The following GAD2 variants were observed in gnomAD, a reference collection of about 807,000 sequenced individuals.
GAD2 encodes the protein glutamate decarboxylase 2, also known as 65 kDa glutamic acid decarboxylase.
In GAD2, 22 loss-of-function variants were observed where a neutral mutation model predicts 80.1. The observed-to-expected ratio is 0.27, with a 90% CI of 0.20 to 0.39. GAD2 has a LOEUF of 0.39. Ranked by LOEUF, GAD2 falls within the 10% of genes least tolerant of loss-of-function variation. The pLI, the probability that GAD2 is intolerant of heterozygous loss-of-function variation, is 1.00. For synonymous variants in GAD2, 274 were observed against 256.9 expected (o/e 1.07, Z -0.64); for missense variants, 624 against 738.4 (o/e 0.85, Z 1.80).
At chr10:26,293,172 C>CTTTTTTTT (rs987030977) in intron 15 of GAD2, among the ~76,000 whole-genome samples, 181 bp downstream of exon 15, 18 of 96,424 alleles carry the variant, frequency 1.9e-4, no homozygotes, top group African/African-American at 5.0e-4. Context: ...CATTTTTCTT[C>CTTTTTTTT]TTTTTTTTTT....
rs150744031 is a variant in GAD2, at chr10:26,253,113, T to C, written c.920+7113T>C. ...TTGAAAATTAAAAAGCATTTTAATTTTATTAAATATACTTAAAAAATGGAA... is the reference window on the plus strand; with the variant it reads ...TTGAAAATTAAAAAGCATTTTAATTCTATTAAATATACTTAAAAAATGGAA... On this transcript the variant is annotated intron_variant, in intron 8 of 15. Transcript: ENST00000376261. 2.5e-3 allele frequency among the ~76,000 whole-genome samples: 374 copies of C among 152,340 alleles called. 2 individuals are homozygous for C. The highest frequency in any genetic ancestry group is 8.7e-3 in the African/African-American group (360 of 41,576).
At chr10:26,218,535 G>A (rs1222210637) in intron 3 of GAD2, among the ~76,000 whole-genome samples, 1 of 127,980 alleles carries the variant, frequency 7.8e-6, no homozygotes, top group Admixed American at 7.8e-5. Context: ...ACATGCATAC[G>A]CTCTCTCTCT....
intron 15 of GAD2, among the ~76,000 whole-genome samples, chr10:26,294,820 GTGTCTGC>G (rs1473787202): frequency 6.6e-6 from 1 of 152,158 alleles, no homozygotes. Flanking sequence ...GGGGGTGCGG[GTGTCTGC>G]TGTCATTTGA....
intron 7 of GAD2, among the ~76,000 whole-genome samples, chr10:26,235,299 T>C (rs1844658348): frequency 6.6e-6 from 1 of 152,176 alleles, no homozygotes; most frequent in East Asian, 1.9e-4. Context: ...GGAACAACAT[T>C]GCGAGACTCT....
At chr10:26,252,847 G>A (rs1844896028) in intron 8 of GAD2, among the ~76,000 whole-genome samples, 1 of 147,958 alleles carries the variant, frequency 6.8e-6, no homozygotes, top group Admixed American at 6.8e-5. Context: ...TAGTAGATAT[G>A]GGGTTTCTCC....
rs552315869 is a variant in GAD2, at chr10:26,239,868, C to T, written c.841-6053C>T. Reference sequence around the variant, plus strand: ...GCTCACAGAAGACCAGGAAAGCCAACGCACCAGGTAGACAGAGTGAGGGGA... The same window carrying T: ...GCTCACAGAAGACCAGGAAAGCCAATGCACCAGGTAGACAGAGTGAGGGGA... On this transcript the variant is annotated intron_variant, in intron 7 of 15. Transcript: ENST00000376261. Among the ~76,000 whole-genome samples, 9 of 152,266 alleles carry T rather than the reference C, an allele frequency of 5.9e-5. No homozygotes were observed. The East Asian group carries it at 7.7e-4, about 13-fold the overall frequency.
At chr10:26,286,565 G>A in intron 13 of GAD2, 71 bp downstream of exon 13, 1 of 1,398,774 alleles carries the variant, frequency 7.1e-7, no homozygotes, top group Non-Finnish European at 9.5e-7. Context: ...ATTATGAAAT[G>A]TCAAAAAAGT....
chr10:26,253,307 C>T lies in GAD2; in HGVS notation c.920+7307C>T, dbSNP rs2132293385. 2.0e-5 allele frequency among the ~76,000 whole-genome samples: 3 copies of T among 152,190 alleles called. No individual in the cohort carries two copies. The East Asian group carries it at 5.8e-4, about 29-fold the overall frequency. On this transcript the variant is annotated intron_variant, in intron 8 of 15. Coordinates refer to ENST00000376261, the MANE Select transcript of GAD2 (RefSeq NM_001134366.2). ...TAAGTTACAGCTTGAGGTTTCCTTTCCTTGTTAACAAAAAGTTGAATATTC... is the reference window on the plus strand; with the variant it reads ...TAAGTTACAGCTTGAGGTTTCCTTTTCTTGTTAACAAAAAGTTGAATATTC...
chr10:26,288,413 G>C (rs942190190), intron 13 of GAD2, among the ~76,000 whole-genome samples: 1 of 152,136 alleles, frequency 6.6e-6, no homozygotes, highest in Non-Finnish European at 1.5e-5. Context: ...TGGGGTGACG[G>C]GCCCCCTTCC....
intron 11 of GAD2, among the ~76,000 whole-genome samples, chr10:26,277,367 G>A (rs1223700132): frequency 2.6e-5 from 4 of 152,170 alleles, no homozygotes; most frequent in Admixed American, 2.0e-4. Flanking sequence ...TTCTTTCCAC[G>A]AAACATAGAT....
rs1327262250 is a variant in GAD2, at chr10:26,217,460, C to G, written c.77-150C>G. The G allele has an allele frequency of 9.2e-6, 7 of 758,626 alleles. No individual in the cohort carries two copies. Among genetic ancestry groups the G allele is most frequent in the East Asian group, 5.4e-5 (2 of 36,996 alleles). The allele number at this position is 758,626 out of a possible 1,614,324, so 47.0% of individuals were successfully genotyped here. On this transcript the variant is annotated intron_variant, in intron 1 of 15. Transcript: ENST00000376261. The surrounding 1 kb of genome is among the most constrained non-coding windows in gnomAD (Gnocchi z 4.9). The stretch of plus-strand genomic sequence containing the variant: ...CCTCCCGCTTGCCTTCTGCACCTGC[C>G]GGCCTCACCGAGTCCTGAGCGGCCC...
intron 8 of GAD2, among the ~76,000 whole-genome samples, chr10:26,248,267 A>C (rs978672051): frequency 6.6e-6 from 1 of 152,240 alleles, no homozygotes; most frequent in African/African-American, 2.4e-5. Flanking sequence ...AGGCGAATTC[A>C]AAGGTTTTCT....
Position 26,245,968 on chromosome 10 carries a change from A to C in GAD2, c.888A>C (p.Thr296=). The change falls in exon 8 of 16, where the codon ACA becomes ACC. Residue 296 remains threonine (T), a synonymous_variant. Coordinates refer to ENST00000376261, the MANE Select transcript of GAD2 (RefSeq NM_001134366.2). ...GAGCTGCAGCCTTAGGGATTGGAACAGACAGCGTGATTCTGATTAAATGTG... is the reference window on the plus strand; with the variant it reads ...GAGCTGCAGCCTTAGGGATTGGAACCGACAGCGTGATTCTGATTAAATGTG... ...KKGAAALGIG[T]DSVILIKCDE... 6.2e-7 allele frequency: 1 copy of C among 1,614,214 alleles called. No individual in the cohort carries two copies. The highest frequency in any genetic ancestry group is 8.5e-7 in the Non-Finnish European group (1 of 1,180,016).
In GAD2 at chr10:26,269,172, A is replaced by G. The variant is rs1269582963; in HGVS notation, c.974A>G (p.Lys325Arg). ...AGAAGGATTCTTGAAGCCAAACAGA[A>G]AGTAAGTTTCTGCCGGGAGCTTTAT... ...LERRILEAKQKGFVPFLVSAT... is the reference protein window; with the variant it reads ...LERRILEAKQRGFVPFLVSAT... The change falls in exon 9 of 16, where the codon AAA (lysine) becomes AGA (arginine). Residue 325 changes from lysine (K) to arginine (R), a missense_variant and splice_region_variant. Lys to Arg is a conservative substitution (Grantham distance 26, BLOSUM62 2). Coordinates refer to ENST00000376261, the MANE Select transcript of GAD2 (RefSeq NM_001134366.2). 1 of 1,596,204 alleles carries G rather than the reference A, an allele frequency of 6.3e-7. No homozygotes were observed. Among genetic ancestry groups the G allele is most frequent in the Non-Finnish European group, 8.5e-7 (1 of 1,170,302 alleles).
intron 13 of GAD2, among the ~76,000 whole-genome samples, chr10:26,291,345 T>A (rs1209264180): frequency 6.6e-6 from 1 of 152,174 alleles, no homozygotes; most frequent in Non-Finnish European, 1.5e-5. Flanking sequence ...TGGCCAAGCA[T>A]CAGGCATCAG....
intron 8 of GAD2, among the ~76,000 whole-genome samples, chr10:26,259,007 A>C (rs906183521): frequency 1.8e-4 from 28 of 152,072 alleles, no homozygotes; most frequent in African/African-American, 6.8e-4. Flanking sequence ...TAGTAGAGAC[A>C]GGGTTTCACC....
intron 8 of GAD2, among the ~76,000 whole-genome samples, chr10:26,265,386 G>T (rs1845060199): frequency 6.6e-6 from 1 of 151,982 alleles, no homozygotes; most frequent in African/African-American, 2.4e-5. Context: ...TGCATCTTTA[G>T]TAGAGACGAG....
chr10:26,264,565 C>T (rs1845046028), intron 8 of GAD2, among the ~76,000 whole-genome samples: 1 of 152,134 alleles, frequency 6.6e-6, no homozygotes, highest in Non-Finnish European at 1.5e-5. Flanking sequence ...CGGCCTCAGC[C>T]TCCCAAAGTG....
At position 26,269,112 on chromosome 10, in the gene GAD2, C is replaced by T. The variant is rs1845104303; in HGVS notation, c.921-7C>T. ...CAAAGCAAATCTATATTTCTTTTTC[C>T]TTCCAGAGGGAAAATGATTCCATCT... On this transcript the variant is annotated splice_polypyrimidine_tract_variant and splice_region_variant and intron_variant, in intron 8 of 15. Coordinates refer to ENST00000376261, the MANE Select transcript of GAD2 (RefSeq NM_001134366.2). 1 of 1,583,450 alleles carries T rather than the reference C, an allele frequency of 6.3e-7. No homozygotes were observed. Among genetic ancestry groups the T allele is most frequent in the Non-Finnish European group, 8.6e-7 (1 of 1,163,672 alleles).
Sources: gnomAD v4.1 joint callset for allele counts (sites outside exome capture counted in the v4.1 genomes callset) on GRCh38, gnomAD v4.1.1 for gene constraint, Gnocchi (gnomAD v3.1) non-coding constraint, MANE v1.5 for transcripts, NCBI Gene and HGNC (gene_info 2026-07-23, HGNC 2026-07-21) for gene names.